Variants in IFNLR1 observed in about 807,000 individuals in gnomAD.
The protein encoded by IFNLR1 is interferon lambda receptor 1, also known as CRF2-12.
A neutral mutation model predicts 52.5 loss-of-function variants in IFNLR1; 28 were observed. The ratio of observed to expected loss-of-function variants is 0.53; its 90% CI spans 0.40 to 0.73. The LOEUF is 0.73. Among genes scored for constraint, IFNLR1 ranks in the 30% least tolerant of loss-of-function variants. The probability of loss-of-function intolerance (pLI) is 0.00; values close to 1 mark genes in which losing one functional copy is unlikely to be tolerated. For missense variants in IFNLR1, 623 were observed against 659.1 expected, an observed-to-expected ratio of 0.95 and a Z score of 0.60; for synonymous variants, 276 against 274.9, an observed-to-expected ratio of 1.00 and a Z score of -0.04.
intron 6 of IFNLR1, among the ~76,000 whole-genome samples, chr1:24,158,707 CTT>C (rs1397314381): frequency 6.6e-6 from 1 of 152,192 alleles, no homozygotes; most frequent in Non-Finnish European, 1.5e-5. Flanking sequence ...AATTGGAACT[CTT>C]TTAAGATGTC....
chr1:24,175,769 C>T lies in IFNLR1; in HGVS notation c.182+4962G>A, dbSNP rs574103571. On this transcript the variant is annotated intron_variant, in intron 2 of 6. Transcript: ENST00000327535. ...CTAACACGGTGAAACCCCATTTCTA[C>T]TAAAAATATAAAAAATTAGCCAGGC... Among the ~76,000 whole-genome samples the T allele has an allele frequency of 4.6e-5, 7 of 152,116 alleles. No homozygotes were observed. The South Asian group carries it at 1.5e-3, about 32-fold the overall frequency.
intron 3 of IFNLR1, among the ~76,000 whole-genome samples, chr1:24,162,792 C>T (rs1035371097): frequency 0.013 from 802 of 63,158 alleles, 90 homozygotes; most frequent in East Asian, 0.024. Flanking sequence ...CTTTCTTTTT[C>T]TTTCTTTCTT....
At position 24,187,175 on chromosome 1, in the gene IFNLR1, G is replaced by A. The variant is rs1388838370; in HGVS notation, c.58+16C>T. ...GAGCCCTCTTCCCCCTCCCTCCCGCGGCCCCGCGCCCTTACCTGGAGCGGC... is the reference window on the plus strand; with the variant it reads ...GAGCCCTCTTCCCCCTCCCTCCCGCAGCCCCGCGCCCTTACCTGGAGCGGC... On this transcript the variant is annotated intron_variant, in intron 1 of 6. Coordinates refer to ENST00000327535, the MANE Select transcript of IFNLR1 (RefSeq NM_170743.4). 3 of 1,359,090 alleles carry A rather than the reference G, an allele frequency of 2.2e-6. No individual in the cohort carries two copies. Among genetic ancestry groups the A allele is most frequent in the South Asian group, 3.3e-5 (2 of 60,260 alleles). The allele number at this position is 1,359,090 out of a possible 1,614,324, so 84.2% of individuals were successfully genotyped here. A position where few individuals can be genotyped will look rare whatever the true frequency, so the allele number is the denominator to read the frequency against.
At chr1:24,168,682 C>T (rs867358057) in intron 3 of IFNLR1, among the ~76,000 whole-genome samples, 2 of 151,970 alleles carry the variant, frequency 1.3e-5, no homozygotes, top group African/African-American at 2.4e-5. Context: ...TTTACCCCCC[C>T]ACCCCCCACA....
intron 2 of IFNLR1, among the ~76,000 whole-genome samples, chr1:24,174,230 C>G (rs1227005053): frequency 1.3e-5 from 2 of 152,174 alleles, no homozygotes; most frequent in African/African-American, 2.4e-5. Context: ...AACCTAGCAA[C>G]GCCTTGACCT....
chr1:24,180,675 A>AC, intron 2 of IFNLR1, 56 bp downstream of exon 2: 6 of 385,908 alleles, frequency 1.6e-5, no homozygotes, highest in East Asian at 6.9e-5. Context: ...AAGCCCCTCC[A>AC]GCCCCCACCC....
At position 24,187,242 on chromosome 1, in the gene IFNLR1, C is replaced by T. The variant is rs1644748651; in HGVS notation, c.7G>A (p.Gly3Arg). ...AGCAGGGGGCCCCAGCGCTCGGGCCCCGCCATGGCCTTCCTGCCGCGGCGT... is the reference window on the plus strand; with the variant it reads ...AGCAGGGGGCCCCAGCGCTCGGGCCTCGCCATGGCCTTCCTGCCGCGGCGT... MA[G>R]PERWGPLLLC... The change falls in exon 1 of 7, where the codon GGG becomes AGG. Residue 3 changes from glycine to arginine, a missense_variant. Coordinates refer to ENST00000327535, the MANE Select transcript of IFNLR1 (RefSeq NM_170743.4). 7.8e-7 allele frequency: 1 copy of T among 1,275,832 alleles called. No homozygotes were observed. Among genetic ancestry groups the T allele is most frequent in the Non-Finnish European group, 9.9e-7 (1 of 1,010,534 alleles). 79.0% of individuals were successfully genotyped at this position (1,275,832 alleles called of 1,614,324 possible).
intron 2 of IFNLR1, among the ~76,000 whole-genome samples, chr1:24,178,116 C>T (rs1644653536): frequency 1.3e-5 from 2 of 152,226 alleles, no homozygotes; most frequent in Middle Eastern, 6.8e-3. Context: ...GAAACCCCGT[C>T]TCTACTAAAA....
intron 1 of IFNLR1, among the ~76,000 whole-genome samples, chr1:24,181,716 C>T (rs75462901): frequency 0.018 from 2,716 of 152,164 alleles, 27 homozygotes; most frequent in South Asian, 0.038. Flanking sequence ...CAGGCCCAGC[C>T]CAGGCCTGGT....
chr1:24,173,753 A>G (rs145502216), intron 2 of IFNLR1, among the ~76,000 whole-genome samples: 1 of 151,870 alleles, frequency 6.6e-6, no homozygotes, highest in East Asian at 1.9e-4. Flanking sequence ...GGCTCAAGGG[A>G]TCCTCCCACC....
chr1:24,161,704 C>A lies in IFNLR1; in HGVS notation c.368-20G>T, dbSNP rs1644445237. On this transcript the variant is annotated intron_variant, in intron 3 of 6. Coordinates refer to ENST00000327535, the MANE Select transcript of IFNLR1 (RefSeq NM_170743.4). ...GCTCCACTGCAGAAACAGAGCAGGA[C>A]CTGTCAGTAATCCCGAGGGGCCGCA... 1.4e-6 allele frequency: 2 copies of A among 1,466,234 alleles called. No individual in the cohort carries two copies. Among genetic ancestry groups the A allele is most frequent in the Non-Finnish European group, 1.8e-6 (2 of 1,103,580 alleles). The allele number at this position is 1,466,234 out of a possible 1,614,324, so 90.8% of individuals were successfully genotyped here. A position where few individuals can be genotyped will look rare whatever the true frequency, so the allele number is the denominator to read the frequency against.
At chr1:24,169,330 G>A (rs1644553400) in intron 3 of IFNLR1, 87 bp downstream of exon 3, 1 of 1,271,628 alleles carries the variant, frequency 7.9e-7, no homozygotes, top group Non-Finnish European at 1.1e-6. Context: ...GAGACAGATG[G>A]TCAGGAGAAC....
intron 3 of IFNLR1, among the ~76,000 whole-genome samples, chr1:24,162,158 G>A (rs1364804077): frequency 2.0e-5 from 3 of 152,250 alleles, no homozygotes; most frequent in East Asian, 3.8e-4. Context: ...ATCTGGAACC[G>A]ATGGGGGAGA....
At chr1:24,169,681 T>C (rs913024391) in intron 2 of IFNLR1, 80 bp from the exon 3 acceptor site, 3 of 1,421,366 alleles carry the variant, frequency 2.1e-6, no homozygotes, top group Non-Finnish European at 1.9e-6. Context: ...TTGATCATGC[T>C]TCCCTCTGTT....
intron 4 of IFNLR1, among the ~76,000 whole-genome samples, chr1:24,160,025 C>T (rs1644426244): frequency 6.6e-6 from 1 of 152,190 alleles, no homozygotes; most frequent in Non-Finnish European, 1.5e-5. Flanking sequence ...TCTTTTCCTG[C>T]ATTAAAGTTT....
At chr1:24,181,108 A>T (rs1158269132) in intron 1 of IFNLR1, among the ~76,000 whole-genome samples, 1 of 152,182 alleles carries the variant, frequency 6.6e-6, no homozygotes, top group Non-Finnish European at 1.5e-5. Flanking sequence ...GGCCTCCAGG[A>T]GGGAGCATCC....
intron 3 of IFNLR1, among the ~76,000 whole-genome samples, chr1:24,166,966 A>G (rs2148593195): frequency 6.6e-6 from 1 of 152,182 alleles, no homozygotes; most frequent in Middle Eastern, 3.4e-3. Flanking sequence ...ATCTGTGAGG[A>G]TTTTTCCAGA....
At chr1:24,167,442 T>A (rs1218031665) in intron 3 of IFNLR1, among the ~76,000 whole-genome samples, 1 of 152,066 alleles carries the variant, frequency 6.6e-6, no homozygotes, top group Non-Finnish European at 1.5e-5. Context: ...TGGAGTGCAG[T>A]GTCGTGATCT....
intron 2 of IFNLR1, among the ~76,000 whole-genome samples, chr1:24,173,189 A>T (rs985557864): frequency 1.3e-5 from 2 of 151,668 alleles, no homozygotes; most frequent in Non-Finnish European, 2.9e-5. Context: ...GCCACTGGGG[A>T]AAAAAATCAC....
Sources: gnomAD v4.1 joint callset for allele counts (sites outside exome capture counted in the v4.1 genomes callset) on GRCh38, gnomAD v4.1.1 for gene constraint, MANE v1.5 for transcripts, NCBI Gene and HGNC (gene_info 2026-07-23, HGNC 2026-07-21) for gene names.